The following FYB1 variants were observed in gnomAD, a reference collection of about 807,000 sequenced individuals.
FYB1 encodes FYN binding protein 1, also known as FYN-binding protein 1.
A neutral mutation model predicts 94.1 loss-of-function variants in FYB1; 41 were observed. The ratio of observed to expected loss-of-function variants is 0.44; its 90% CI spans 0.34 to 0.57. The LOEUF is 0.57. Among genes scored for constraint, FYB1 ranks in the 20% least tolerant of loss-of-function variants. FYB1 has a pLI of 0.02. For synonymous variants in FYB1, 367 were observed against 353.2 expected (o/e 1.04, Z -0.44); for missense variants, 1,050 against 976.8 (o/e 1.07, Z -1.00).
At chr5:39,116,702 G>A (rs1739600437) in intron 16 of FYB1, among the ~76,000 whole-genome samples, 1 of 152,066 alleles carries the variant, frequency 6.6e-6, no homozygotes, top group Non-Finnish European at 1.5e-5. Flanking sequence ...CATGTTTGTT[G>A]ATGAGATCAT....
chr5:39,161,852 T>C (rs2150376640), intron 2 of FYB1, among the ~76,000 whole-genome samples: 1 of 152,370 alleles, frequency 6.6e-6, no homozygotes, highest in South Asian at 2.1e-4. Context: ...TCCCCATCCC[T>C]ATCCCCAAAC....
chr5:39,113,361 C>T (rs943475989), intron 16 of FYB1, among the ~76,000 whole-genome samples: 2 of 152,096 alleles, frequency 1.3e-5, no homozygotes, highest in African/African-American at 4.8e-5. Flanking sequence ...AGTGCGGTCA[C>T]ACCAGGGATT....
At chr5:39,138,954 G>T in intron 5 of FYB1, 1 of 543,856 alleles carries the variant, frequency 1.8e-6, no homozygotes, top group East Asian at 3.2e-5. Flanking sequence ...GAAATAGACT[G>T]GGAAAGCAAA....
At chr5:39,141,205 A>C (rs1269969674) in intron 3 of FYB1, 64 bp from the exon 4 acceptor site, 2 of 1,048,448 alleles carry the variant, frequency 1.9e-6, no homozygotes, top group Non-Finnish European at 2.9e-6. Flanking sequence ...ACAATGAAAA[A>C]GGGAAAAGGA....
rs183701943 is a variant in FYB1 at position 39,141,163 on chromosome 5, C to G, written c.1293-22G>C. The G allele has an allele frequency of 9.3e-5, 144 of 1,541,178 alleles. 1 individual carries two copies. The East Asian group carries it at 3.3e-3, about 35-fold the overall frequency. ...GCTTCTGAAAACGAGAAAGAAGAAA[C>G]AGTGAACATGGAACAAGTAGATGCT... On this transcript the variant is annotated intron_variant, in intron 3 of 18. Transcript: ENST00000512982.
chr5:39,118,110 C>T (rs184987868), intron 16 of FYB1, among the ~76,000 whole-genome samples: 185 of 152,208 alleles, frequency 1.2e-3, no homozygotes, highest in South Asian at 2.3e-3. Flanking sequence ...CGCTATGTTG[C>T]TCAGGCTGGT....
At position 39,262,092 on chromosome 5, in the gene FYB1, G is replaced by A. The variant is rs560399357; in HGVS notation, c.-28+12311C>T. On this transcript the variant is annotated intron_variant, in intron 1 of 1. Coordinates refer to the FYB1 transcript ENST00000510188. ...ATGACTTTAATATTTAAGGGGTAGGGATTAATTTCTTAAAAGGACATCAAA... is the reference window on the plus strand; with the variant it reads ...ATGACTTTAATATTTAAGGGGTAGGAATTAATTTCTTAAAAGGACATCAAA... Among the ~76,000 whole-genome samples the A allele has an allele frequency of 2.0e-5, 3 of 152,216 alleles. 1 individual carries two copies. The East Asian group carries it at 5.8e-4, about 29-fold the overall frequency.
chr5:39,115,667 G>C (rs1739496813), intron 16 of FYB1, among the ~76,000 whole-genome samples: 2 of 152,090 alleles, frequency 1.3e-5, no homozygotes, highest in African/African-American at 4.8e-5. Flanking sequence ...GGTGTGCCAA[G>C]AATGAATTAG....
At chr5:39,211,015 T>C (rs1315509960) in intron 1 of FYB1, 2 of 152,232 alleles carry the variant, frequency 1.3e-5, no homozygotes, top group Admixed American at 6.5e-5. Flanking sequence ...CCACTTATTT[T>C]TCTTATTCTA....
At chr5:39,178,918 A>C (rs1042688755) in intron 2 of FYB1, among the ~76,000 whole-genome samples, 2 of 152,152 alleles carry the variant, frequency 1.3e-5, no homozygotes, top group Non-Finnish European at 2.9e-5. Context: ...CACATAGAAA[A>C]CTGGCTGAGT....
intron 1 of FYB1, among the ~76,000 whole-genome samples, chr5:39,240,365 A>G (rs1335409887): frequency 2.0e-5 from 3 of 152,122 alleles, no homozygotes; most frequent in African/African-American, 4.8e-5. Context: ...GGAAAAGAAA[A>G]TCTCAACAGA....
intron 1 of FYB1, among the ~76,000 whole-genome samples, chr5:39,243,691 G>A (rs1344451790): frequency 6.6e-6 from 1 of 152,172 alleles, no homozygotes. Flanking sequence ...GTCATTGGTA[G>A]CTGGATGGGG....
intron 2 of FYB1, among the ~76,000 whole-genome samples, chr5:39,154,011 C>G (rs552451875): frequency 1.3e-5 from 2 of 152,210 alleles, no homozygotes; most frequent in South Asian, 2.1e-4. Flanking sequence ...GTTTTGAACT[C>G]CTGGGCGCAA....
chr5:39,144,401 A>C (rs1742456192), intron 3 of FYB1, among the ~76,000 whole-genome samples: 1 of 152,240 alleles, frequency 6.6e-6, no homozygotes, highest in Non-Finnish European at 1.5e-5. Flanking sequence ...AGCAATCAGC[A>C]AAATCTAGAT....
intron 1 of FYB1, among the ~76,000 whole-genome samples, chr5:39,269,449 C>T (rs1752575455): frequency 6.6e-6 from 1 of 152,234 alleles, no homozygotes; most frequent in African/African-American, 2.4e-5. Context: ...AGACTGTCTT[C>T]TACAGGTGTT....
rs1221555244 is a variant in FYB1 at position 39,201,908 on chromosome 5, A to G, written c.1053T>C (p.Phe351=). 2 of 1,613,988 alleles carry G rather than the reference A, an allele frequency of 1.2e-6. No individual in the cohort carries two copies. Among genetic ancestry groups the G allele is most frequent in the Non-Finnish European group, 1.7e-6 (2 of 1,179,872 alleles). The change falls in exon 2 of 19, where the codon TTT becomes TTC. Residue 351 remains phenylalanine (F), a synonymous_variant. Transcript: ENST00000512982. ...GTTTTGGTGGAGGTGGACCCAAGGT[A>G]AACAAGGGAGGCAATGGCTTCTGTT... is the stretch of plus-strand genomic sequence containing the variant. ...TPKQKPLPPL[F]TLGPPPPKPN... is the part of the protein sequence containing the mutation.
At chr5:39,206,216 G>C (rs1025503762) in intron 1 of FYB1, among the ~76,000 whole-genome samples, 6 of 152,152 alleles carry the variant, frequency 3.9e-5, no homozygotes, top group Non-Finnish European at 8.8e-5. Flanking sequence ...GGACATCTTA[G>C]AGCCCCTTAG....
intron 1 of FYB1, among the ~76,000 whole-genome samples, chr5:39,230,880 T>C (rs562099084): frequency 1.3e-3 from 174 of 136,956 alleles, no homozygotes; most frequent in Admixed American, 2.9e-3. Flanking sequence ...CACACACACA[T>C]ATATATACAC....
chr5:39,177,833 A>G (rs910312665), intron 2 of FYB1, among the ~76,000 whole-genome samples: 1 of 152,172 alleles, frequency 6.6e-6, no homozygotes, highest in Non-Finnish European at 1.5e-5. Context: ...AGCTGTTAGA[A>G]GCTGCAAGAA....
Sources: allele counts gnomAD v4.1 joint callset (sites outside exome capture counted in the v4.1 genomes callset), GRCh38; gene constraint gnomAD v4.1.1; transcripts MANE v1.5; gene names NCBI Gene and HGNC (gene_info 2026-07-23, HGNC 2026-07-21).